The following RGS6 variants were observed in gnomAD, a reference collection of about 807,000 sequenced individuals.
RGS6 encodes regulator of G protein signaling 6.
Under a neutral mutation model 78.5 loss-of-function variants are expected in RGS6, and 30 were observed. The observed-to-expected ratio is 0.38, with a 90% CI of 0.29 to 0.52. RGS6 has a LOEUF of 0.52. Ranked by LOEUF, RGS6 falls within the 20% of genes least tolerant of loss-of-function variation. The probability of loss-of-function intolerance (pLI) is 0.85; values close to 1 mark genes in which losing one functional copy is unlikely to be tolerated. For missense variants in RGS6, 495 were observed against 609.7 expected (o/e 0.81, Z 1.98); for synonymous variants, 206 against 206.0 (o/e 1.00, Z 0.00).
At chr14:72,550,702 C>T (rs751460019) in intron 17 of RGS6, 111 of 1,400,554 alleles carry the variant, frequency 7.9e-5, no homozygotes, top group Non-Finnish European at 9.5e-5. Context: ...CATCACAATC[C>T]GGTGGTTTTA....
chr14:72,004,931 A>C (rs906402491), intron 2 of RGS6, among the ~76,000 whole-genome samples: 1 of 152,220 alleles, frequency 6.6e-6, no homozygotes, highest in Non-Finnish European at 1.5e-5. Context: ...GCCTCCATTC[A>C]TGTGTCTACC....
the RGS6 span, among the ~76,000 whole-genome samples, chr14:71,872,256 G>C: frequency 6.6e-6 from 1 of 152,184 alleles, no homozygotes; most frequent in Non-Finnish European, 1.5e-5. Context: ...AAGAAGAACT[G>C]ATTCGGTGAC....
chr14:72,547,368 G>A, intron 17 of RGS6: 2 of 1,529,474 alleles, frequency 1.3e-6, no homozygotes, highest in East Asian at 2.5e-5. Context: ...AGGCTAAGAA[G>A]TAAGACCCCC....
intron 1 of RGS6, among the ~76,000 whole-genome samples, chr14:71,940,444 A>T (rs907640033): frequency 6.6e-6 from 1 of 152,220 alleles, no homozygotes; most frequent in Non-Finnish European, 1.5e-5. Context: ...TCTTTTGTCC[A>T]TTCAACCTAG....
intron 12 of RGS6, among the ~76,000 whole-genome samples, chr14:72,486,425 C>T (rs1463206921): frequency 1.3e-5 from 2 of 152,052 alleles, no homozygotes. Flanking sequence ...CCTGAAGTAG[C>T]CTTGTGTACA....
chr14:72,475,039 C>A (rs918543540), intron 10 of RGS6, among the ~76,000 whole-genome samples: 14 of 151,904 alleles, frequency 9.2e-5, no homozygotes, highest in African/African-American at 3.4e-4. Context: ...GGGGGGCTTC[C>A]CAAGGGCTTC....
chr14:72,251,839 C>T (rs964353954), intron 2 of RGS6, among the ~76,000 whole-genome samples: 38 of 152,128 alleles, frequency 2.5e-4, no homozygotes, highest in African/African-American at 4.8e-5. Context: ...CAGATCTGCA[C>T]ATGAACCCCT....
intron 2 of RGS6, among the ~76,000 whole-genome samples, chr14:72,217,359 G>C (rs1010198469): frequency 7.9e-5 from 12 of 152,190 alleles, no homozygotes; most frequent in African/African-American, 2.9e-4. Flanking sequence ...AGACTGCCTG[G>C]ATATTAAGAT....
At chr14:72,513,211 G>T (rs559893598) in intron 14 of RGS6, among the ~76,000 whole-genome samples, 1 of 152,170 alleles carries the variant, frequency 6.6e-6, no homozygotes, top group South Asian at 2.1e-4. Context: ...CACAACCCAC[G>T]GGGTGCCAGT....
chr14:72,283,950 A>G (rs2062024416), intron 2 of RGS6, among the ~76,000 whole-genome samples: 1 of 152,188 alleles, frequency 6.6e-6, no homozygotes, highest in Non-Finnish European at 1.5e-5. Context: ...GAGATGAGGA[A>G]CTTGTTAGGA....
At chr14:72,144,202 T>C (rs2215016) in intron 2 of RGS6, among the ~76,000 whole-genome samples, 36,214 of 152,108 alleles carry the variant, frequency 0.24, 4,556 homozygotes, top group East Asian at 0.42. Context: ...CTGTAATAAA[T>C]TGGCCTGAAT....
intron 2 of RGS6, among the ~76,000 whole-genome samples, chr14:72,319,526 G>T (rs982272466): frequency 2.0e-5 from 3 of 151,858 alleles, no homozygotes; most frequent in Non-Finnish European, 4.4e-5. Flanking sequence ...TAATTTTTTT[G>T]TATTTTTTAG....
chr14:71,989,736 C>T (rs779458687), intron 2 of RGS6, among the ~76,000 whole-genome samples: 9 of 152,100 alleles, frequency 5.9e-5, no homozygotes, highest in South Asian at 2.1e-4. Flanking sequence ...GACTCTAAGC[C>T]GTATGGTTTT....
intron 4 of RGS6, among the ~76,000 whole-genome samples, chr14:72,457,172 A>T (rs2037557463): frequency 1.3e-5 from 2 of 152,082 alleles, no homozygotes; most frequent in South Asian, 4.1e-4. Flanking sequence ...TCCACCAGTT[A>T]CATGTATGTT....
At chr14:72,150,954 T>G (rs1299404543) in intron 2 of RGS6, among the ~76,000 whole-genome samples, 1 of 152,170 alleles carries the variant, frequency 6.6e-6, no homozygotes, top group Non-Finnish European at 1.5e-5. Flanking sequence ...TGTATCCTCT[T>G]TATCAGGTCT....
chr14:72,029,565 C>G (rs1419531979), intron 2 of RGS6, among the ~76,000 whole-genome samples: 1 of 152,190 alleles, frequency 6.6e-6, no homozygotes, highest in Admixed American at 6.5e-5. Flanking sequence ...TAAGTACTTT[C>G]CTTTGCTGCA....
intron 2 of RGS6, among the ~76,000 whole-genome samples, chr14:72,208,738 G>C (rs1325328697): frequency 6.6e-6 from 1 of 152,116 alleles, no homozygotes; most frequent in Non-Finnish European, 1.5e-5. Context: ...TCTGCTAATC[G>C]TATCAGCAAG....
At chr14:72,204,738 T>A (rs1208312698) in intron 2 of RGS6, among the ~76,000 whole-genome samples, 2 of 152,164 alleles carry the variant, frequency 1.3e-5, no homozygotes, top group Non-Finnish European at 2.9e-5. Context: ...CATGAGCTAA[T>A]CACCTCCCAA....
chr14:72,394,949 C>T (rs1450174108), intron 3 of RGS6, among the ~76,000 whole-genome samples: 1 of 152,182 alleles, frequency 6.6e-6, no homozygotes, highest in African/African-American at 2.4e-5. Context: ...AATTAGCGTC[C>T]ATGAAATCTT....
Sources: gnomAD v4.1 joint callset for allele counts (sites outside exome capture counted in the v4.1 genomes callset) on GRCh38, gnomAD v4.1.1 for gene constraint, MANE v1.5 for transcripts, NCBI Gene and HGNC (gene_info 2026-07-23, HGNC 2026-07-21) for gene names.